Variants in EPHA8 observed in about 807,000 individuals in gnomAD.
The protein encoded by EPHA8 is EPH receptor A8, also known as ephrin type-A receptor 8.
EPHA8 carries 58 observed loss-of-function variants against 103.6 expected under a neutral mutation model. That is an observed-to-expected ratio of 0.56 (90% CI 0.45 to 0.70). The LOEUF is 0.70. Among genes scored for constraint, EPHA8 ranks in the 30% least tolerant of loss-of-function variants. The pLI is 0.00. For synonymous variants in EPHA8, 559 were observed against 572.5 expected (o/e 0.98, Z 0.34); for missense variants, 1,304 against 1,395.2 (o/e 0.93, Z 1.04).
intron 3 of EPHA8, among the ~76,000 whole-genome samples, chr1:22,585,624 TTGAC>T (rs1641181023): frequency 6.6e-6 from 1 of 152,136 alleles, no homozygotes; most frequent in African/African-American, 2.4e-5. Flanking sequence ...TGAACAGTGG[TTGAC>T]TGAATGCATG....
rs1020946736 is a variant in EPHA8 at position 22,567,137 on chromosome 1, A to C, written c.95-2152A>C. Among the ~76,000 whole-genome samples the C allele has an allele frequency of 2.0e-5, 3 of 152,134 alleles. No individual in the cohort carries two copies. Among genetic ancestry groups the C allele is most frequent in the African/African-American group, 7.2e-5 (3 of 41,452 alleles). ...ACGCTCCAGGGCGAGAATCCTAAGC[A>C]GTGGACATCCACTTGAGTGGCTCCG... is the stretch of plus-strand genomic sequence containing the variant. On this transcript the variant is annotated intron_variant, in intron 1 of 16. Transcript: ENST00000166244. The surrounding 1 kb of genome is among the most constrained non-coding windows in gnomAD (Gnocchi z 4.2).
At chr1:22,578,179 T>C (rs56788632) in intron 3 of EPHA8, among the ~76,000 whole-genome samples, 8,081 of 106,336 alleles carry the variant, frequency 0.076, 269 homozygotes, top group Non-Finnish European at 0.11. Context: ...TGTGTGCATG[T>C]GTGTGCGTGC....
At chr1:22,578,990 T>C (rs1016466036) in intron 3 of EPHA8, among the ~76,000 whole-genome samples, 4 of 145,940 alleles carry the variant, frequency 2.7e-5, no homozygotes, top group African/African-American at 1.0e-4. Flanking sequence ...AGTGTATGTG[T>C]GCATGTGTAT....
chr1:22,583,524 C>G (rs1160595715), intron 3 of EPHA8, among the ~76,000 whole-genome samples: 1 of 152,176 alleles, frequency 6.6e-6, no homozygotes, highest in African/African-American at 2.4e-5. Flanking sequence ...GAACCTGGGG[C>G]AAGGCATTCA....
intron 13 of EPHA8, among the ~76,000 whole-genome samples, chr1:22,600,140 AGGAG>A (rs368120615): frequency 1.2e-4 from 10 of 82,912 alleles, no homozygotes; most frequent in Admixed American, 1.0e-3. Flanking sequence ...AGAAGGAAGG[AGGAG>A]GGAGGGAGGG....
In EPHA8 at chr1:22,576,357, G is replaced by T. The variant is rs1374620571; in HGVS notation, c.300G>T (p.Glu100Asp). ...ACGGCGCCCGGCGCGTCTATGCTGA[G>T]ATCAAGTTTACCCTGCGCGACTGCA... Reference protein sequence around the residue: ...PRDGARRVYAEIKFTLRDCNS... With the variant: ...PRDGARRVYADIKFTLRDCNS... Residue 100 changes from glutamate to aspartate, a missense_variant, in exon 3 of 17, where the codon GAG becomes GAT. Physicochemically the swap from Glu to Asp is conservative, Grantham distance 45 (BLOSUM62 2). Coordinates refer to ENST00000166244, the MANE Select transcript of EPHA8 (RefSeq NM_020526.5). This position sits in a 1 kb window ranked among gnomAD's most constrained non-coding sequence, Gnocchi z 4.8. The T allele has an allele frequency of 6.2e-7, 1 of 1,613,800 alleles. No homozygotes were observed. The highest frequency in any genetic ancestry group is 1.7e-5 in the Admixed American group (1 of 60,022).
intron 1 of EPHA8, among the ~76,000 whole-genome samples, chr1:22,566,570 G>T (rs563125046): frequency 6.6e-6 from 1 of 152,334 alleles, no homozygotes; most frequent in African/African-American, 2.4e-5. Flanking sequence ...AGGCAGAGGG[G>T]TTAAGTGCTT....
intron 2 of EPHA8, among the ~76,000 whole-genome samples, chr1:22,573,654 C>G (rs1640604688): frequency 6.6e-6 from 1 of 152,150 alleles, no homozygotes; most frequent in Non-Finnish European, 1.5e-5. Context: ...GAGACCAACC[C>G]CTCCCTCTGC....
At chr1:22,595,518 G>T (rs1347126334) in intron 8 of EPHA8, among the ~76,000 whole-genome samples, 195 bp downstream of exon 8, 3 of 152,184 alleles carry the variant, frequency 2.0e-5, no homozygotes, top group Non-Finnish European at 4.4e-5. Context: ...GTAAATTGGG[G>T]ATCAGAGAGG....
chr1:22,600,740 G>A lies in EPHA8; in HGVS notation c.2468G>A (p.Ser823Asn). The stretch of plus-strand genomic sequence containing the variant: ...TTCTCCTCGGCCAGCGACGTGTGGA[G>A]CTTCGGCGTGGTCATGTGGGAGGTG... ...RTFSSASDVW[S>N]FGVVMWEVLA... Residue 823 changes from serine (S) to asparagine (N), a missense_variant, in exon 14 of 17, where the codon AGC becomes AAC. Transcript: ENST00000166244. The A allele has an allele frequency of 1.9e-6, 3 of 1,613,342 alleles. No individual in the cohort carries two copies. The highest frequency in any genetic ancestry group is 2.5e-6 in the Non-Finnish European group (3 of 1,179,696).
chr1:22,597,794 C>G lies in EPHA8; in HGVS notation c.2049C>G (p.Ser683Arg). 6.2e-7 allele frequency: 1 copy of G among 1,613,036 alleles called. No homozygotes were observed. ...AGAGACAGAGGCGGGACTTCCTGAG[C>G]GAGGCGTCCATCATGGGGCAATTCG... ...YTERQRRDFL[S>R]EASIMGQFDH... The change falls in exon 11 of 17, where the codon AGC (serine) becomes AGG (arginine). Residue 683 changes from serine (S) to arginine (R), a missense_variant. Coordinates refer to ENST00000166244, the MANE Select transcript of EPHA8 (RefSeq NM_020526.5). This position sits in a 1 kb window ranked among gnomAD's most constrained non-coding sequence, Gnocchi z 4.6.
rs1287388136 is a variant in EPHA8, at chr1:22,601,033, C to T, written c.2674C>T (p.Leu892Phe). Residue 892 changes from leucine to phenylalanine, a missense_variant, in exon 15 of 17, where the codon CTC becomes TTC. By Grantham distance (22) the Leu-to-Phe change is conservative. Coordinates refer to ENST00000166244, the MANE Select transcript of EPHA8 (RefSeq NM_020526.5). ...TCGCTTCTCCCAGATTGTCAGTGTCCTCGATGCGCTCATCCGCAGCCCTGA... is the reference window on the plus strand; with the variant it reads ...TCGCTTCTCCCAGATTGTCAGTGTCTTCGATGCGCTCATCCGCAGCCCTGA... ...RPRFSQIVSV[L>F]DALIRSPESL... The T allele has an allele frequency of 1.9e-6, 3 of 1,612,692 alleles. No homozygotes were observed. Among genetic ancestry groups the T allele is most frequent in the East Asian group, 2.2e-5 (1 of 44,862 alleles).
rs1640469448 is a variant in EPHA8, at chr1:22,569,729, C to T, written c.159+376C>T. Among the ~76,000 whole-genome samples the T allele has an allele frequency of 6.6e-6, 1 of 152,102 alleles. No homozygotes were observed. Among genetic ancestry groups the T allele is most frequent in the African/African-American group, 2.4e-5 (1 of 41,408 alleles). On this transcript the variant is annotated intron_variant, in intron 2 of 16. Transcript: ENST00000166244. This position sits in a 1 kb window ranked among gnomAD's most constrained non-coding sequence, Gnocchi z 4.5. Reference sequence around the variant, plus strand: ...GCCCTGGCCTCACCAGTCCTCCGACCTCTGGAGTCTCTGCTTGTCTGTCTC... The same window carrying T: ...GCCCTGGCCTCACCAGTCCTCCGACTTCTGGAGTCTCTGCTTGTCTGTCTC...
At position 22,597,131 on chromosome 1, in the gene EPHA8, C is replaced by T. The variant is rs567345185; in HGVS notation, c.1766-181C>T. Among the ~76,000 whole-genome samples, 55 of 152,272 alleles carry T rather than the reference C, an allele frequency of 3.6e-4. No individual in the cohort carries two copies. In the South Asian group the frequency reaches 8.5e-3, roughly 24 times the overall value. On this transcript the variant is annotated intron_variant, in intron 9 of 16. Coordinates refer to ENST00000166244, the MANE Select transcript of EPHA8 (RefSeq NM_020526.5). The surrounding 1 kb of genome is among the most constrained non-coding windows in gnomAD (Gnocchi z 4.6). The stretch of plus-strand genomic sequence containing the variant: ...CCACAGCCCCATAGAAACCCCAGAG[C>T]GACTCCAGAGACCCCACTTTCACTT...
intron 7 of EPHA8, 26 bp from the exon 8 acceptor site, chr1:22,595,204 C>A (rs1204755990): frequency 1.3e-6 from 2 of 1,587,136 alleles, no homozygotes; most frequent in Non-Finnish European, 1.7e-6. Context: ...AGAGCCTGGT[C>A]CCCCAACCCT....
At chr1:22,588,367 G>T (rs1237184984) in intron 4 of EPHA8, among the ~76,000 whole-genome samples, 2 of 152,208 alleles carry the variant, frequency 1.3e-5, no homozygotes, top group African/African-American at 4.8e-5. Flanking sequence ...CGGGGTTGGG[G>T]AGCGGCTGCT....
At chr1:22,564,198 G>T (rs541834781) in intron 1 of EPHA8, among the ~76,000 whole-genome samples, 2 of 151,844 alleles carry the variant, frequency 1.3e-5, no homozygotes, top group South Asian at 2.1e-4. Flanking sequence ...GAAGGCAAAG[G>T]GGGTGGGGAC....
intron 8 of EPHA8, among the ~76,000 whole-genome samples, chr1:22,595,700 G>A (rs1416721095): frequency 3.3e-5 from 5 of 152,218 alleles, no homozygotes; most frequent in Non-Finnish European, 5.9e-5. Flanking sequence ...AATGAGAACT[G>A]TAAGGATCAT....
Position 22,597,995 on chromosome 1 carries a change from G to A in EPHA8, c.2116+134G>A, listed in dbSNP as rs983951407. ...CTTGGTTCAGGTCCCTGAATGACTC[G>A]GGGTGCCCAGAGCCTGGGACCCCAG... On this transcript the variant is annotated intron_variant, in intron 11 of 16. Transcript: ENST00000166244. This position sits in a 1 kb window ranked among gnomAD's most constrained non-coding sequence, Gnocchi z 4.6. 49 of 1,433,588 alleles carry A rather than the reference G, an allele frequency of 3.4e-5. No individual in the cohort carries two copies. The highest frequency in any genetic ancestry group is 4.5e-5 in the Non-Finnish European group (47 of 1,033,696). The allele number at this position is 1,433,588 out of a possible 1,614,324, so 88.8% of individuals were successfully genotyped here.
Sources: allele counts gnomAD v4.1 joint callset (sites outside exome capture counted in the v4.1 genomes callset), GRCh38; gene constraint gnomAD v4.1.1; non-coding constraint Gnocchi (gnomAD v3.1); transcripts MANE v1.5; gene names NCBI Gene and HGNC (gene_info 2026-07-23, HGNC 2026-07-21).